P4HA1: variants seen among roughly 807,000 people sequenced by gnomAD.
P4HA1 encodes the protein prolyl 4-hydroxylase subunit alpha-1.
In P4HA1, 24 loss-of-function variants were observed where a neutral mutation model predicts 72.8. That is an observed-to-expected ratio of 0.33 (90% CI 0.24 to 0.46). The LOEUF is 0.46. Ranked by LOEUF, P4HA1 falls within the 20% of genes least tolerant of loss-of-function variation. The pLI is 1.00. For synonymous variants in P4HA1, 201 were observed against 218.8 expected (o/e 0.92, Z 0.72); for missense variants, 446 against 640.6 (o/e 0.70, Z 3.28).
At chr10:73,038,670 A>C (rs1188463343) in intron 9 of P4HA1, among the ~76,000 whole-genome samples, 2 of 85,992 alleles carry the variant, frequency 2.3e-5, no homozygotes, top group Admixed American at 3.2e-4. Flanking sequence ...TCTGTCGCCC[A>C]GGCTGGAGTG....
chr10:73,091,059 T>C (rs1197534815), intron 1 of P4HA1, among the ~76,000 whole-genome samples: 23 of 48,166 alleles, frequency 4.8e-4, no homozygotes, highest in African/African-American at 2.2e-3. Context: ...AGAGTCCATC[T>C]CAAAAAAAAA....
At chr10:73,032,063 A>C in intron 9 of P4HA1, among the ~76,000 whole-genome samples, 1 of 152,312 alleles carries the variant, frequency 6.6e-6, no homozygotes, top group African/African-American at 2.4e-5. Context: ...TGTTCCACTA[A>C]AAATTCATGA....
intron 9 of P4HA1, among the ~76,000 whole-genome samples, chr10:73,044,264 CAGATCT>C (rs1332548555): frequency 6.6e-6 from 1 of 151,986 alleles, no homozygotes; most frequent in Non-Finnish European, 1.5e-5. Flanking sequence ...GAAACTTTCT[CAGATCT>C]AGAAGTTATT....
At chr10:73,048,349 T>C (rs1241388433) in intron 7 of P4HA1, among the ~76,000 whole-genome samples, 2 of 152,178 alleles carry the variant, frequency 1.3e-5, no homozygotes, top group Admixed American at 1.3e-4. Flanking sequence ...CTGCAGCCTC[T>C]GCCTCCTGGG....
At chr10:73,093,630 T>C (rs568831239) in intron 1 of P4HA1, among the ~76,000 whole-genome samples, 1 of 151,176 alleles carries the variant, frequency 6.6e-6, no homozygotes, top group Non-Finnish European at 1.5e-5. Flanking sequence ...GATCACGAGG[T>C]AAAGAGATCG....
chr10:73,046,910 G>GA lies in P4HA1; in HGVS notation c.1077+14dup. On this transcript the variant is annotated intron_variant, in intron 8 of 14. Coordinates refer to ENST00000394890, the MANE Select transcript of P4HA1 (RefSeq NM_001017962.3). ...GTACAGTAAATTGAGGAGAAAGAAAGAAAACATTATTTACCCTTGGTTTTG... is the reference window on the plus strand; with the variant it reads ...GTACAGTAAATTGAGGAGAAAGAAAGAAAAACATTATTTACCCTTGGTTTTG... 1 of 1,563,154 alleles carries GA rather than the reference G, an allele frequency of 6.4e-7. No homozygotes were observed. Among genetic ancestry groups the GA allele is most frequent in the East Asian group, 2.2e-5 (1 of 44,452 alleles).
At chr10:73,087,438 T>A (rs1181773170) in intron 1 of P4HA1, among the ~76,000 whole-genome samples, 1 of 151,842 alleles carries the variant, frequency 6.6e-6, no homozygotes, top group East Asian at 1.9e-4. Flanking sequence ...CTGACCAATT[T>A]TGTATTTTTA....
intron 1 of P4HA1, among the ~76,000 whole-genome samples, chr10:73,089,391 C>T (rs1308111022): frequency 1.1e-4 from 16 of 152,112 alleles, no homozygotes; most frequent in Admixed American, 1.0e-3. Flanking sequence ...TTGAAGCACA[C>T]TGTTTAAAGA....
At chr10:73,010,929 G>A (rs200960581) in intron 13 of P4HA1, 40 bp downstream of exon 13, 1 of 1,476,338 alleles carries the variant, frequency 6.8e-7, no homozygotes, top group Non-Finnish European at 9.4e-7. Flanking sequence ...CTTCCTTAGG[G>A]AAAAAATTAA....
chr10:73,069,331 T>C (rs918558521), intron 4 of P4HA1, among the ~76,000 whole-genome samples: 3 of 152,198 alleles, frequency 2.0e-5, no homozygotes, highest in Non-Finnish European at 2.9e-5. Context: ...TGAACACATT[T>C]ATGGGTCTGA....
intron 12 of P4HA1, among the ~76,000 whole-genome samples, chr10:73,012,793 T>C: frequency 6.6e-6 from 1 of 152,232 alleles, no homozygotes; most frequent in South Asian, 2.1e-4. Flanking sequence ...TATATATATT[T>C]TTTTTATTTT....
intron 10 of P4HA1, among the ~76,000 whole-genome samples, chr10:73,028,468 G>A (rs539016182): frequency 4.6e-5 from 7 of 152,078 alleles, no homozygotes; most frequent in Admixed American, 1.3e-4. Context: ...TTTTGCTCTC[G>A]TTGCCCAGGC....
intron 9 of P4HA1, among the ~76,000 whole-genome samples, chr10:73,031,629 G>A (rs1039788063): frequency 1.7e-4 from 21 of 122,190 alleles, no homozygotes; most frequent in Admixed American, 1.3e-3. Flanking sequence ...GTGGTTGCCA[G>A]GGGATGGGGA....
Position 73,007,253 on chromosome 10 carries a change from T to C in P4HA1, c.*969A>G, listed in dbSNP as rs1161732691. 6 of 152,254 alleles carry C rather than the reference T, an allele frequency of 3.9e-5. No homozygotes were observed. Among genetic ancestry groups the C allele is most frequent in the East Asian group, 1.9e-4 (1 of 5,196 alleles). The allele number at this position is 152,254 out of a possible 1,614,324, so 9.4% of individuals were successfully genotyped here. ...AAGATTTAAGATCATAAATAGGTCA[T>C]TGTTGTCACAACACATTTCAGAATC... On this transcript the variant is annotated 3_prime_UTR_variant, in exon 15 of 15. Coordinates refer to ENST00000394890, the MANE Select transcript of P4HA1 (RefSeq NM_001017962.3).
chr10:73,069,276 T>C (rs1482985703), intron 4 of P4HA1, among the ~76,000 whole-genome samples: 1 of 152,166 alleles, frequency 6.6e-6, no homozygotes, highest in Non-Finnish European at 1.5e-5. Flanking sequence ...TTTTTAGTTA[T>C]ATAACACAGC....
intron 10 of P4HA1, among the ~76,000 whole-genome samples, chr10:73,024,691 T>C (rs1840223371): frequency 6.6e-6 from 1 of 152,012 alleles, no homozygotes; most frequent in Non-Finnish European, 1.5e-5. Context: ...AAAAAATCAA[T>C]GAATCCAGGA....
intron 12 of P4HA1, 98 bp from the exon 13 acceptor site, chr10:73,011,135 A>G: frequency 1.1e-6 from 1 of 908,910 alleles, no homozygotes; most frequent in Non-Finnish European, 1.8e-6. Context: ...TATTGGGAAC[A>G]TATGGACTTG....
At chr10:73,075,048 A>G (rs1841665091) in intron 1 of P4HA1, 133 bp from the exon 2 acceptor site, 1 of 536,126 alleles carries the variant, frequency 1.9e-6, no homozygotes, top group Non-Finnish European at 3.3e-6. Context: ...GTTATTATCA[A>G]TTGTTTAATA....
chr10:73,017,181 A>G (rs1453184022), intron 10 of P4HA1, among the ~76,000 whole-genome samples: 1 of 144,800 alleles, frequency 6.9e-6, no homozygotes, highest in Non-Finnish European at 1.5e-5. Flanking sequence ...GTATATATAG[A>G]TATCTATATC....
Sources: gnomAD v4.1 joint callset for allele counts (sites outside exome capture counted in the v4.1 genomes callset) on GRCh38, gnomAD v4.1.1 for gene constraint, MANE v1.5 for transcripts, NCBI Gene and HGNC (gene_info 2026-07-23, HGNC 2026-07-21) for gene names.